The following SHB variants were observed in gnomAD, a reference collection of about 807,000 sequenced individuals.
SHB encodes SH2 domain-containing adapter protein B.
In SHB, 20 loss-of-function variants were observed where a neutral mutation model predicts 52.3. That is an observed-to-expected ratio of 0.38 (90% confidence interval 0.27 to 0.56). The LOEUF (loss-of-function observed/expected upper bound fraction) is 0.56. SHB is among the 20% of genes least tolerant of loss of function. The pLI is 0.71. For synonymous variants in SHB, 397 were observed against 316.5 expected (o/e 1.25, Z -2.70); for missense variants, 825 against 723.3 (o/e 1.14, Z -1.61).
chr9:38,068,589 G>C lies in SHB; in HGVS notation c.57C>G (p.Pro19=), dbSNP rs1822010708. Residue 19 remains proline (P), a synonymous_variant, in exon 1 of 6, where the codon CCC becomes CCG. Coordinates refer to ENST00000377707, the MANE Select transcript of SHB (RefSeq NM_003028.3). The part of the protein sequence containing the change: ...FSLGNSKTKS[P]PQPPRPDYRE... ...GGTAGTCTGGCCGCGGCGGCTGCGG[G>C]GGGCTCTTGGTCTTGCTGTTGCCCA... 3.3e-6 allele frequency: 5 copies of C among 1,492,608 alleles called. No homozygotes were observed. Among genetic ancestry groups the C allele is most frequent in the Non-Finnish European group, 4.4e-6 (5 of 1,133,100 alleles). 92.5% of individuals were successfully genotyped at this position (1,492,608 alleles called of 1,614,324 possible).
chr9:38,009,742 T>G (rs1009603010), intron 2 of SHB, among the ~76,000 whole-genome samples: 1 of 152,182 alleles, frequency 6.6e-6, no homozygotes, highest in African/African-American at 2.4e-5. Context: ...GGACGGTGCC[T>G]ACTAGCACAC....
chr9:37,982,974 C>CCCT (rs72109305), intron 2 of SHB, among the ~76,000 whole-genome samples: 5 of 31,990 alleles, frequency 1.6e-4, no homozygotes, highest in East Asian at 2.0e-3. Flanking sequence ...CTCTCTGGTG[C>CCCT]CCCCCCCTCC....
intron 2 of SHB, among the ~76,000 whole-genome samples, chr9:37,981,054 A>G (rs775411915): frequency 2.6e-5 from 4 of 152,222 alleles, no homozygotes; most frequent in Non-Finnish European, 5.9e-5. Flanking sequence ...AGAATGGCAA[A>G]TGAGCACTGG....
rs376246179 is a variant in SHB at position 38,016,044 on chromosome 9, T to C, written c.805A>G (p.Met269Val). 27 of 1,614,080 alleles carry C rather than the reference T, an allele frequency of 1.7e-5. No homozygotes were observed. The highest frequency in any genetic ancestry group is 1.6e-4 in the Middle Eastern group (1 of 6,084). The stretch of plus-strand genomic sequence containing the variant: ...ATCCTCTGTGCCTCATAGGGCTCCA[T>C]GTAGCCAGCACTCTCCCCCTTTCCT... ...KAGKGESAGY[M>V]EPYEAQRIMT... The change falls in exon 2 of 6, where the codon ATG (methionine) becomes GTG (valine). Residue 269 changes from methionine (M) to valine (V), a missense_variant. Coordinates refer to ENST00000377707, the MANE Select transcript of SHB (RefSeq NM_003028.3).
intron 5 of SHB, among the ~76,000 whole-genome samples, chr9:37,948,241 A>T (rs6476665): frequency 6.6e-6 from 1 of 151,568 alleles, no homozygotes; most frequent in Non-Finnish European, 1.5e-5. Flanking sequence ...AGCCACACCC[A>T]CCTCCGTGAA....
rs375453101 is a variant in SHB, at chr9:37,983,054, G to A, written c.839-8217C>T. Among the ~76,000 whole-genome samples the A allele has an allele frequency of 7.9e-5, 12 of 151,512 alleles. No homozygotes were observed. In the East Asian group the frequency reaches 2.1e-3, roughly 27 times the overall value. ...CAACTATCTACTGAATGCCCAGTATGAGAGGAGACAGAGAGGAATGAGATG... is the reference window on the plus strand; with the variant it reads ...CAACTATCTACTGAATGCCCAGTATAAGAGGAGACAGAGAGGAATGAGATG... On this transcript the variant is annotated intron_variant, in intron 2 of 5. Transcript: ENST00000377707.
chr9:38,054,860 C>G (rs543826522), intron 1 of SHB, among the ~76,000 whole-genome samples: 13 of 152,146 alleles, frequency 8.5e-5, no homozygotes, highest in Non-Finnish European at 1.8e-4. Context: ...CCCAGCTGTG[C>G]AAAGGTGGCC....
chr9:37,981,667 G>A (rs1275859045), intron 2 of SHB, among the ~76,000 whole-genome samples: 1 of 152,142 alleles, frequency 6.6e-6, no homozygotes, highest in African/African-American at 2.4e-5. Context: ...TTCTGCACTA[G>A]GCTTATTTCC....
chr9:37,964,427 T>C (rs1564089803), intron 3 of SHB, among the ~76,000 whole-genome samples: 2 of 152,148 alleles, frequency 1.3e-5, no homozygotes, highest in Non-Finnish European at 2.9e-5. Flanking sequence ...ATGAATGCTA[T>C]TACTGGGAGC....
intron 2 of SHB, among the ~76,000 whole-genome samples, chr9:38,002,126 A>G (rs535727532): frequency 3.3e-5 from 5 of 152,124 alleles, no homozygotes; most frequent in Non-Finnish European, 5.9e-5. Flanking sequence ...CAGTTTGTCT[A>G]TCTTAAAAAA....
chr9:38,010,594 C>CT (rs1821127820), intron 2 of SHB, among the ~76,000 whole-genome samples: 1 of 152,232 alleles, frequency 6.6e-6, no homozygotes, highest in African/African-American at 2.4e-5. Context: ...CGCCACCTCC[C>CT]ACAACCCACT....
chr9:37,927,421 G>A (rs12000263), intron 5 of SHB, among the ~76,000 whole-genome samples: 5,374 of 152,282 alleles, frequency 0.035, 138 homozygotes, highest in East Asian at 0.1. Flanking sequence ...ACTTTCAATA[G>A]ACGCATCAGC....
intron 5 of SHB, among the ~76,000 whole-genome samples, chr9:37,941,645 C>G (rs1832435142): frequency 6.6e-6 from 1 of 152,230 alleles, no homozygotes; most frequent in African/African-American, 2.4e-5. Context: ...TCTTAAAAGG[C>G]TTCATCATCC....
At chr9:37,948,590 C>T in intron 5 of SHB, 45 bp downstream of exon 5, 1 of 1,603,918 alleles carries the variant, frequency 6.2e-7, no homozygotes, top group Middle Eastern at 1.8e-4. Context: ...GCTGCGCTCG[C>T]AGAGGCTGCC....
intron 1 of SHB, among the ~76,000 whole-genome samples, chr9:38,016,732 G>A (rs1253758928): frequency 4.6e-5 from 7 of 152,156 alleles, no homozygotes; most frequent in Non-Finnish European, 8.8e-5. Context: ...CTCAAGGATC[G>A]ACAGACAGCC....
At position 38,041,481 on chromosome 9, in the gene SHB, G is replaced by A. The variant is rs140535765; in HGVS notation, c.718-25350C>T. Among the ~76,000 whole-genome samples, 50 of 152,310 alleles carry A rather than the reference G, an allele frequency of 3.3e-4. 1 individual carries two copies. In the Middle Eastern group the frequency reaches 0.017, roughly 52 times the overall value. ...AACTAGCAGGATCTGAGGCAAACCT[G>A]CATTTGCTAGGCTGGATGGGTGATG... On this transcript the variant is annotated intron_variant, in intron 1 of 5. Coordinates refer to ENST00000377707, the MANE Select transcript of SHB (RefSeq NM_003028.3).
intron 1 of SHB, among the ~76,000 whole-genome samples, chr9:38,054,951 T>C (rs1277649091): frequency 6.6e-6 from 1 of 152,254 alleles, no homozygotes; most frequent in Non-Finnish European, 1.5e-5. Context: ...CCCAGCTCTC[T>C]GGGACACCAA....
chr9:37,954,019 T>A (rs925495986), intron 4 of SHB, among the ~76,000 whole-genome samples: 2 of 151,646 alleles, frequency 1.3e-5, no homozygotes, highest in Non-Finnish European at 2.9e-5. Flanking sequence ...GGGGTGGGAG[T>A]GGGCAGGCTG....
intron 5 of SHB, among the ~76,000 whole-genome samples, chr9:37,937,485 G>A (rs1424695776): frequency 6.6e-6 from 1 of 151,586 alleles, no homozygotes; most frequent in Non-Finnish European, 1.5e-5. Flanking sequence ...AAAAAGCAAA[G>A]CATTATTAAA....
Sources: gnomAD v4.1 joint callset for allele counts (sites outside exome capture counted in the v4.1 genomes callset) on GRCh38, gnomAD v4.1.1 for gene constraint, MANE v1.5 for transcripts, NCBI Gene and HGNC (gene_info 2026-07-23, HGNC 2026-07-21) for gene names.